NLGN4X: variants seen among roughly 807,000 people sequenced by gnomAD.
NLGN4X encodes the protein neuroligin 4 X-linked.
NLGN4X carries 3 observed loss-of-function variants against 40.3 expected under a neutral mutation model. The observed-to-expected ratio is 0.07, with a 90% CI of 0.03 to 0.19. NLGN4X has a LOEUF of 0.19. NLGN4X is among the 10% of genes least tolerant of loss of function. The pLI, the probability that NLGN4X is intolerant of heterozygous loss-of-function variation, is 1.00. For missense variants in NLGN4X, 382 were observed against 708.3 expected, an observed-to-expected ratio of 0.54 and a Z score of 5.23; for synonymous variants, 270 against 306.8, an observed-to-expected ratio of 0.88 and a Z score of 1.25.
At chrX:6,118,822 C>CT (rs2039357708) in intron 2 of NLGN4X, among the ~76,000 whole-genome samples, 1 of 111,308 alleles carries the variant, frequency 9.0e-6, no homozygotes, top group African/African-American at 3.3e-5. Flanking sequence ...CCTCTCTATT[C>CT]TTATACCCCC....
intron 1 of NLGN4X, among the ~76,000 whole-genome samples, chrX:6,204,465 A>T: frequency 8.9e-6 from 1 of 112,271 alleles, no homozygotes; most frequent in East Asian, 2.8e-4. Flanking sequence ...TGAAAACATA[A>T]AGATAACTTA....
intron 2 of NLGN4X, among the ~76,000 whole-genome samples, chrX:6,102,800 T>C (rs1175141333): frequency 9.0e-6 from 1 of 110,616 alleles, no homozygotes; most frequent in Non-Finnish European, 1.9e-5. Context: ...TAGATATAAA[T>C]TAGATAGATA....
intron 2 of NLGN4X, among the ~76,000 whole-genome samples, chrX:6,088,907 C>T (rs2038566561): frequency 9.0e-6 from 1 of 111,579 alleles, no homozygotes; most frequent in African/African-American, 3.3e-5. Flanking sequence ...TTGTCTTGAC[C>T]ATTTTTTTCC....
chrX:6,118,341 T>C (rs894217343), intron 2 of NLGN4X, among the ~76,000 whole-genome samples: 18 of 111,324 alleles, frequency 1.6e-4, no homozygotes, highest in African/African-American at 4.9e-4. Context: ...GACATCTATC[T>C]CTCCTTGGTT....
chrX:6,135,514 G>C (rs143208722), intron 2 of NLGN4X, among the ~76,000 whole-genome samples: 1,438 of 111,265 alleles, frequency 0.013, 20 homozygotes, highest in African/African-American at 0.043. Context: ...TGCTTACCTA[G>C]CATTCAATTT....
At chrX:6,212,341 C>T (rs1290642550) in intron 1 of NLGN4X, among the ~76,000 whole-genome samples, 2 of 110,445 alleles carry the variant, frequency 1.8e-5, no homozygotes, top group Non-Finnish European at 3.8e-5. Context: ...AAAAAGACTG[C>T]TTCTTAAGCA....
intron 3 of NLGN4X, among the ~76,000 whole-genome samples, chrX:5,943,053 T>C (rs5961385): frequency 0.3 from 33,367 of 110,422 alleles, 4,546 homozygotes; most frequent in Middle Eastern, 0.58. Flanking sequence ...TCCATGATAC[T>C]GAGAAGCAGG....
chrX:5,961,252 G>A (rs1369031131), intron 3 of NLGN4X, among the ~76,000 whole-genome samples: 2 of 112,123 alleles, frequency 1.8e-5, no homozygotes, highest in Non-Finnish European at 3.8e-5. Context: ...TTTGTAATGA[G>A]AGATTGGCTT....
At chrX:5,920,912 T>G (rs1181537609) in intron 3 of NLGN4X, among the ~76,000 whole-genome samples, 1 of 110,550 alleles carries the variant, frequency 9.0e-6, no homozygotes, top group Admixed American at 9.7e-5. Flanking sequence ...AAGACCTTCA[T>G]GCATTATAAA....
intron 2 of NLGN4X, among the ~76,000 whole-genome samples, chrX:6,106,199 G>A: frequency 9.0e-6 from 1 of 111,616 alleles, no homozygotes; most frequent in Non-Finnish European, 1.9e-5. Flanking sequence ...GCCCCCAAAT[G>A]AGTTTTGATA....
intron 2 of NLGN4X, among the ~76,000 whole-genome samples, chrX:6,135,305 T>C (rs1017792405): frequency 1.8e-5 from 2 of 111,863 alleles, no homozygotes; most frequent in Admixed American, 1.9e-4. Flanking sequence ...TACAGCTGTT[T>C]ACAAACCAAC....
chrX:5,954,761 T>A (rs770305421), intron 3 of NLGN4X, among the ~76,000 whole-genome samples: 1 of 110,556 alleles, frequency 9.0e-6, no homozygotes, highest in South Asian at 3.9e-4. Flanking sequence ...TCCAGGGTCC[T>A]TGGGGGTAAT....
At chrX:5,949,469 T>C (rs908397017) in intron 3 of NLGN4X, among the ~76,000 whole-genome samples, 4 of 111,420 alleles carry the variant, frequency 3.6e-5, no homozygotes, top group Admixed American at 1.9e-4. Context: ...AGAGGCTCAG[T>C]ACAAATAAAT....
At chrX:6,180,075 T>C (rs1921261238) in intron 1 of NLGN4X, among the ~76,000 whole-genome samples, 1 of 111,593 alleles carries the variant, frequency 9.0e-6, no homozygotes, top group Non-Finnish European at 1.9e-5. Context: ...ATTAAATAGA[T>C]GCCCTTAATA....
intron 2 of NLGN4X, among the ~76,000 whole-genome samples, chrX:6,053,952 G>C: frequency 8.9e-6 from 1 of 111,807 alleles, no homozygotes; most frequent in Non-Finnish European, 1.9e-5. Flanking sequence ...CTCTGCAACA[G>C]AGCCAGCTTT....
In NLGN4X at chrX:6,013,911, G is replaced by A. The variant is rs775181340; in HGVS notation, c.625+15369C>T. 1.0e-4 allele frequency among the ~76,000 whole-genome samples: 11 copies of A among 110,464 alleles called. No individual in the cohort carries two copies. In the South Asian group the frequency reaches 2.4e-3, roughly 24 times the overall value. ...AAAAGTGAACATCCTGGCCAGGCAC[G>A]GTGACTCACGCCTGTAATCCCAGCA... On this transcript the variant is annotated intron_variant, in intron 3 of 5. Coordinates refer to ENST00000381095, the MANE Select transcript of NLGN4X (RefSeq NM_181332.3).
chrX:5,919,947 A>C (rs1336141687), intron 3 of NLGN4X, among the ~76,000 whole-genome samples: 1 of 111,728 alleles, frequency 9.0e-6, no homozygotes, highest in Non-Finnish European at 1.9e-5. Context: ...TTGCTCTCTG[A>C]GTTCTTCATG....
At chrX:6,114,444 T>A (rs2039224895) in intron 2 of NLGN4X, among the ~76,000 whole-genome samples, 1 of 109,019 alleles carries the variant, frequency 9.2e-6, no homozygotes, top group Non-Finnish European at 1.9e-5. Flanking sequence ...GTGTTATAAC[T>A]TAAAGCTCTA....
chrX:6,007,443 C>G (rs1277410001), intron 3 of NLGN4X, among the ~76,000 whole-genome samples: 1 of 111,320 alleles, frequency 9.0e-6, no homozygotes, highest in African/African-American at 3.3e-5. Flanking sequence ...ACCCATATAA[C>G]AAAACTGAAT....
Sources: allele counts gnomAD v4.1 joint callset (sites outside exome capture counted in the v4.1 genomes callset), GRCh38; gene constraint gnomAD v4.1.1; transcripts MANE v1.5; gene names NCBI Gene and HGNC (gene_info 2026-07-23, HGNC 2026-07-21).